Variants in PCDHGA7 observed in about 807,000 individuals in gnomAD.
The protein encoded by PCDHGA7 is protocadherin gamma subfamily A, 7.
PCDHGA7 carries 44 observed loss-of-function variants against 58.3 expected under a neutral mutation model. That is an observed-to-expected ratio of 0.75 (90% confidence interval 0.59 to 0.97). PCDHGA7 has a LOEUF of 0.97. PCDHGA7 is among the 50% of genes least tolerant of loss of function. PCDHGA7 has a pLI of 0.00. For synonymous variants in PCDHGA7, 516 were observed against 504.2 expected (o/e 1.02, Z -0.31); for missense variants, 1,266 against 1,188.7 (o/e 1.06, Z -0.96).
intron 1 of PCDHGA7, chr5:141,398,058 T>C (rs921277104): frequency 2.0e-6 from 3 of 1,525,504 alleles, no homozygotes; most frequent in African/African-American, 1.4e-5. Flanking sequence ...GATCCAAAAA[T>C]CTACAATACA....
intron 1 of PCDHGA7, chr5:141,404,730 C>G: frequency 6.2e-7 from 1 of 1,613,984 alleles, no homozygotes; most frequent in East Asian, 2.2e-5. Context: ...AAGGTGGTGG[C>G]AGTGGACAGA....
Position 141,431,021 on chromosome 5 carries a change from G to A in PCDHGA7, c.2424+45698G>A. On this transcript the variant is annotated intron_variant, in intron 1 of 3. Coordinates refer to ENST00000518325, the MANE Select transcript of PCDHGA7 (RefSeq NM_018920.4). This position sits in a 1 kb window ranked among gnomAD's most constrained non-coding sequence, Gnocchi z 4.8. ...GCGCAGCGGCAGCTTGGTCACGGCG[G>A]GCAGGATAGACCGGGAGGAGCTCTG... is the stretch of plus-strand genomic sequence containing the variant. 1 of 1,613,940 alleles carries A rather than the reference G, an allele frequency of 6.2e-7. No individual in the cohort carries two copies. Among genetic ancestry groups the A allele is most frequent in the Non-Finnish European group, 8.5e-7 (1 of 1,179,936 alleles).
At chr5:141,423,750 T>TGG (rs144521096) in intron 1 of PCDHGA7, 9,462 of 287,056 alleles carry the variant, frequency 0.033, 140 homozygotes, top group African/African-American at 0.097. Flanking sequence ...GAAAACTGTT[T>TGG]GGGGGGGGGG....
At chr5:141,393,709 G>A (rs941272065) in intron 1 of PCDHGA7, 14 of 1,613,826 alleles carry the variant, frequency 8.7e-6, no homozygotes, top group Non-Finnish European at 9.3e-6. Context: ...GAAAATACTG[G>A]GGAAATATCA....
intron 1 of PCDHGA7, chr5:141,408,684 A>G (rs1660685979): frequency 6.2e-7 from 1 of 1,613,862 alleles, no homozygotes; most frequent in African/African-American, 1.3e-5. Context: ...ACGGATCCTG[A>G]TATAAACATA....
chr5:141,442,321 C>G (rs1323525940), intron 1 of PCDHGA7: 1 of 152,360 alleles, frequency 6.6e-6, no homozygotes, highest in African/African-American at 2.4e-5. Context: ...ATGTCTATCC[C>G]GCGCTAAGCC....
At chr5:141,404,371 C>T in intron 1 of PCDHGA7, 2 of 1,613,892 alleles carry the variant, frequency 1.2e-6, no homozygotes, top group Non-Finnish European at 1.7e-6. Flanking sequence ...CCATCTTCTC[C>T]GTGATTGCCT....
intron 1 of PCDHGA7, chr5:141,430,753 G>C (rs1175014357): frequency 6.6e-7 from 1 of 1,504,258 alleles, no homozygotes. Context: ...TCTGGAGGAA[G>C]ATAAGAATGA....
At chr5:141,389,828 A>C in intron 1 of PCDHGA7, 1 of 1,613,938 alleles carries the variant, frequency 6.2e-7, no homozygotes, top group Non-Finnish European at 8.5e-7. Flanking sequence ...GTGACGGTGG[A>C]CAGCCACCAC....
chr5:141,510,839 C>T (rs186647886), intron 3 of PCDHGA7, 108 bp from the exon 4 acceptor site: 36 of 1,586,990 alleles, frequency 2.3e-5, no homozygotes, highest in Non-Finnish European at 3.1e-5. Context: ...TCAGCGTGGT[C>T]AAGGCCCAGG....
At chr5:141,427,603 T>G in intron 1 of PCDHGA7, 2 of 681,440 alleles carry the variant, frequency 2.9e-6, no homozygotes, top group East Asian at 2.8e-5. Flanking sequence ...ACCCTACGCA[T>G]TGGTGAAGTC....
rs183257097 is a variant in PCDHGA7 at position 141,389,274 on chromosome 5, C to G, written c.2424+3951C>G. 189 of 1,614,032 alleles carry G rather than the reference C, an allele frequency of 1.2e-4. 1 individual carries two copies. In the East Asian group the frequency reaches 4.2e-3, roughly 36 times the overall value. On this transcript the variant is annotated intron_variant, in intron 1 of 3. Coordinates refer to ENST00000518325, the MANE Select transcript of PCDHGA7 (RefSeq NM_018920.4). ...TATAGTCCACGTGGCCGAGAACAACCCGCCTGGAGCCTCTATTTCACAAGT... is the reference window on the plus strand; with the variant it reads ...TATAGTCCACGTGGCCGAGAACAACGCGCCTGGAGCCTCTATTTCACAAGT...
chr5:141,472,838 T>C (rs1457889821), intron 1 of PCDHGA7, among the ~76,000 whole-genome samples: 1 of 151,464 alleles, frequency 6.6e-6, no homozygotes, highest in Non-Finnish European at 1.5e-5. Context: ...AATAGAAAAT[T>C]AGCTGGGCAT....
Position 141,485,298 on chromosome 5 carries a change from G to A in PCDHGA7, c.2425-9509G>A, listed in dbSNP as rs1562104502. 1 of 1,613,978 alleles carries A rather than the reference G, an allele frequency of 6.2e-7. No individual in the cohort carries two copies. On this transcript the variant is annotated intron_variant, in intron 1 of 3. Coordinates refer to ENST00000518325, the MANE Select transcript of PCDHGA7 (RefSeq NM_018920.4). This position sits in a 1 kb window ranked among gnomAD's most constrained non-coding sequence, Gnocchi z 5.7. ...CCGGTCCCAGAGGAGTCACAGGAAG[G>A]GACTTTTGTAGGGAATGTCGCTCAA...
At chr5:141,509,953 G>A (rs987910496) in intron 3 of PCDHGA7, among the ~76,000 whole-genome samples, 4 of 152,282 alleles carry the variant, frequency 2.6e-5, no homozygotes, top group Non-Finnish European at 4.4e-5. Context: ...AAATGCTACC[G>A]GGTATGGCCT....
chr5:141,446,251 A>G (rs979768028), intron 1 of PCDHGA7, among the ~76,000 whole-genome samples: 1 of 152,178 alleles, frequency 6.6e-6, no homozygotes, highest in Admixed American at 6.5e-5. Context: ...ATCTTCAGTG[A>G]AATATTATTA....
chr5:141,389,083 A>T, intron 1 of PCDHGA7: 3 of 1,614,058 alleles, frequency 1.9e-6, no homozygotes, highest in Non-Finnish European at 2.5e-6. Context: ...AGAAACACGT[A>T]TAAATTAGTG....
At chr5:141,484,598 T>C (rs2099598059) in intron 1 of PCDHGA7, among the ~76,000 whole-genome samples, 1 of 152,080 alleles carries the variant, frequency 6.6e-6, no homozygotes, top group Non-Finnish European at 1.5e-5. Flanking sequence ...TCATTTAGAA[T>C]ACTGGTTGAT....
In PCDHGA7 at chr5:141,477,017, A is replaced by G; in HGVS notation, c.2425-17790A>G. 2 of 1,614,220 alleles carry G rather than the reference A, an allele frequency of 1.2e-6. No homozygotes were observed. The highest frequency in any genetic ancestry group is 2.2e-5 in the East Asian group (1 of 44,868). ...GCAACTATTCGCCTTAGACCTTGTA[A>G]CCGGGATGCTGACAATCAAGGGTCG... On this transcript the variant is annotated intron_variant, in intron 1 of 3. Coordinates refer to ENST00000518325, the MANE Select transcript of PCDHGA7 (RefSeq NM_018920.4). This position sits in a 1 kb window ranked among gnomAD's most constrained non-coding sequence, Gnocchi z 4.9.
Sources: allele counts gnomAD v4.1 joint callset (sites outside exome capture counted in the v4.1 genomes callset), GRCh38; gene constraint gnomAD v4.1.1; non-coding constraint Gnocchi (gnomAD v3.1); transcripts MANE v1.5; gene names NCBI Gene and HGNC (gene_info 2026-07-23, HGNC 2026-07-21).